The following PSD3 variants were observed in gnomAD, a reference collection of about 807,000 sequenced individuals.
PSD3 encodes pleckstrin and Sec7 domain containing 3, also known as PH and SEC7 domain-containing protein 3.
In PSD3, 49 loss-of-function variants were observed where a neutral mutation model predicts 105.5. The observed-to-expected ratio is 0.46, with a 90% CI of 0.37 to 0.59. The LOEUF is 0.59. Among genes scored for constraint, PSD3 ranks in the 20% least tolerant of loss-of-function variants. PSD3 has a pLI of 0.00. For synonymous variants in PSD3, 557 were observed against 457.8 expected (o/e 1.22, Z -2.77); for missense variants, 1,561 against 1,263.8 (o/e 1.24, Z -3.57).
At chr8:18,992,385 C>A (rs1033467904) in intron 1 of PSD3, among the ~76,000 whole-genome samples, 4 of 152,080 alleles carry the variant, frequency 2.6e-5, no homozygotes, top group African/African-American at 9.7e-5. Context: ...AAGCTAATGA[C>A]CCTACAGTTG....
intron 1 of PSD3, among the ~76,000 whole-genome samples, chr8:19,004,736 T>G (rs1278574161): frequency 6.6e-6 from 1 of 152,020 alleles, no homozygotes; most frequent in East Asian, 1.9e-4. Context: ...TTCCCATGTG[T>G]CGTGTGAGGA....
At chr8:18,621,697 C>T (rs983493659) in intron 11 of PSD3, among the ~76,000 whole-genome samples, 5 of 152,104 alleles carry the variant, frequency 3.3e-5, no homozygotes, top group East Asian at 3.9e-4. Flanking sequence ...TAAACTGCTC[C>T]GTTACACACC....
intron 8 of PSD3, chr8:18,774,504 C>T (rs543062953): frequency 4.0e-6 from 1 of 247,336 alleles, no homozygotes; most frequent in Non-Finnish European, 8.0e-6. Context: ...ATTAACCTAA[C>T]ACCTTTTTTT....
chr8:19,054,823 G>A (rs1038195650), intron 1 of PSD3, among the ~76,000 whole-genome samples: 1 of 152,156 alleles, frequency 6.6e-6, no homozygotes, highest in South Asian at 2.1e-4. Context: ...TCTAGGCTTG[G>A]AGAACCTTTA....
chr8:19,010,463 C>A (rs543053435), intron 1 of PSD3, among the ~76,000 whole-genome samples: 45 of 152,222 alleles, frequency 3.0e-4, no homozygotes, highest in African/African-American at 1.0e-3. Context: ...TTGAGTTATG[C>A]CTTATTTTCA....
chr8:18,689,946 G>A (rs895187843), intron 9 of PSD3, among the ~76,000 whole-genome samples: 3 of 152,292 alleles, frequency 2.0e-5, no homozygotes, highest in African/African-American at 4.8e-5. Flanking sequence ...TAACTATGAA[G>A]TGACCAAACT....
intron 4 of PSD3, among the ~76,000 whole-genome samples, chr8:18,862,046 C>A (rs1340407460): frequency 6.6e-6 from 1 of 152,076 alleles, no homozygotes; most frequent in East Asian, 1.9e-4. Flanking sequence ...TGTCCATGGC[C>A]GAGTGGCAGA....
chr8:18,835,591 T>C (rs1233903103), intron 4 of PSD3, among the ~76,000 whole-genome samples: 1 of 152,092 alleles, frequency 6.6e-6, no homozygotes, highest in Non-Finnish European at 1.5e-5. Context: ...CAAGGGGCCG[T>C]GGGGAAGCAG....
intron 8 of PSD3, among the ~76,000 whole-genome samples, chr8:18,792,300 G>A (rs1049015185): frequency 3.3e-5 from 5 of 152,174 alleles, no homozygotes; most frequent in African/African-American, 1.2e-4. Flanking sequence ...CAGTAGGAAA[G>A]ACATGGAATC....
At chr8:18,566,238 A>C (rs901319913) in intron 14 of PSD3, among the ~76,000 whole-genome samples, 16 of 152,230 alleles carry the variant, frequency 1.1e-4, no homozygotes, top group Middle Eastern at 3.4e-3. Flanking sequence ...GGATAGAAAA[A>C]TCCTTGCTGG....
chr8:19,076,531 A>G (rs545896131), intron 1 of PSD3, among the ~76,000 whole-genome samples: 1 of 152,306 alleles, frequency 6.6e-6, no homozygotes, highest in East Asian at 1.9e-4. Flanking sequence ...ACCTAAGGGT[A>G]CCAGCAAGCA....
chr8:18,992,235 T>G (rs557108437), intron 1 of PSD3, among the ~76,000 whole-genome samples: 65 of 152,242 alleles, frequency 4.3e-4, no homozygotes, highest in African/African-American at 1.5e-3. Flanking sequence ...AAGGTATGTC[T>G]CATTAAATCA....
At chr8:19,084,581 T>A in exon 1 of PSD3, 1 of 360,926 alleles carries the variant, frequency 2.8e-6, no homozygotes, top group Non-Finnish European at 5.5e-6. Context: ...GCCAGCCCAG[T>A]GTCTTGGAGG....
At chr8:18,925,076 A>C (rs1486200210) in intron 2 of PSD3, among the ~76,000 whole-genome samples, 1 of 152,226 alleles carries the variant, frequency 6.6e-6, no homozygotes, top group Non-Finnish European at 1.5e-5. Context: ...GAGTCATACA[A>C]TTAAGAAGGG....
intron 4 of PSD3, among the ~76,000 whole-genome samples, chr8:18,846,473 G>C (rs545484157): frequency 6.6e-6 from 1 of 152,262 alleles, no homozygotes; most frequent in East Asian, 1.9e-4. Context: ...TGAAGGTACA[G>C]GGGTTCGAAG....
At chr8:18,590,800 C>A (rs1296035980) in intron 12 of PSD3, among the ~76,000 whole-genome samples, 1 of 152,004 alleles carries the variant, frequency 6.6e-6, no homozygotes, top group Non-Finnish European at 1.5e-5. Flanking sequence ...GATCTAGGGA[C>A]AGAAGAAACA....
chr8:19,002,258 A>T (rs1826441172), intron 1 of PSD3, among the ~76,000 whole-genome samples: 1 of 151,884 alleles, frequency 6.6e-6, no homozygotes, highest in African/African-American at 2.4e-5. Flanking sequence ...CAGCCTAAAG[A>T]CCTCCAAGGA....
chr8:18,751,958 T>C (rs915219875), intron 9 of PSD3, among the ~76,000 whole-genome samples: 5 of 147,892 alleles, frequency 3.4e-5, no homozygotes, highest in African/African-American at 1.3e-4. Flanking sequence ...GTGGATCATT[T>C]GAGGTCAGGA....
At chr8:18,885,729 A>G (rs1042669972) in intron 2 of PSD3, among the ~76,000 whole-genome samples, 1 of 142,696 alleles carries the variant, frequency 7.0e-6, no homozygotes, top group African/African-American at 3.1e-5. Context: ...GACATAAACA[A>G]TTGTCCCAAG....
Sources: gnomAD v4.1 joint callset for allele counts (sites outside exome capture counted in the v4.1 genomes callset) on GRCh38, gnomAD v4.1.1 for gene constraint, MANE v1.5 for transcripts, NCBI Gene and HGNC (gene_info 2026-07-23, HGNC 2026-07-21) for gene names.